EFHC2: variants seen among roughly 807,000 people sequenced by gnomAD.
EFHC2 encodes the protein EF-hand domain-containing family member C2.
In EFHC2, 18 loss-of-function variants were observed where a neutral mutation model predicts 52.7. The ratio of observed to expected loss-of-function variants is 0.34; its 90% CI spans 0.24 to 0.51. EFHC2 has a LOEUF of 0.51. Among genes scored for constraint, EFHC2 ranks in the 20% least tolerant of loss-of-function variants. The probability of loss-of-function intolerance (pLI) is 0.97; values close to 1 mark genes in which losing one functional copy is unlikely to be tolerated. For synonymous variants in EFHC2, 203 were observed against 204.1 expected (o/e 0.99, Z 0.04); for missense variants, 513 against 562.5 (o/e 0.91, Z 0.89).
At chrX:44,286,714 T>TA (rs1243405201) in intron 2 of EFHC2, among the ~76,000 whole-genome samples, 2 of 110,905 alleles carry the variant, frequency 1.8e-5, no homozygotes, top group East Asian at 2.8e-4. Flanking sequence ...GAATTCTATT[T>TA]AAAAAAATTT....
At chrX:44,313,408 A>G (rs140996445) in intron 1 of EFHC2, among the ~76,000 whole-genome samples, 382 of 111,714 alleles carry the variant, frequency 3.4e-3, no homozygotes, top group Non-Finnish European at 5.6e-3. Flanking sequence ...GTAAAGTAGG[A>G]CAATCACTCT....
chrX:44,324,345 T>A (rs1049674273), intron 1 of EFHC2, among the ~76,000 whole-genome samples: 1 of 111,262 alleles, frequency 9.0e-6, no homozygotes, highest in African/African-American at 3.3e-5. Flanking sequence ...AACTATCTTT[T>A]AAAAACCTCT....
chrX:44,162,106 G>A (rs1405086933), intron 14 of EFHC2, among the ~76,000 whole-genome samples: 2 of 111,772 alleles, frequency 1.8e-5, no homozygotes, highest in Non-Finnish European at 3.8e-5. Flanking sequence ...TTTGTTTGCT[G>A]TTATGTATGG....
At position 44,179,066 on chromosome X, in the gene EFHC2, G is replaced by GA. The variant is rs1037093009; in HGVS notation, c.1752-503dup. 1.3e-4 allele frequency among the ~76,000 whole-genome samples: 13 copies of GA among 99,271 alleles called. No homozygotes were observed. In the East Asian group the frequency reaches 1.9e-3, roughly 14 times the overall value. The allele number at this position is 99,271 out of a possible 115,157, so 86.2% of individuals were successfully genotyped here. A position where few individuals can be genotyped will look rare whatever the true frequency, so the allele number is the denominator to read the frequency against. ...AAAACTGGACACACCCTGGCAGTGA[G>GA]AAAAAAAAACAAGAGAAAAAAAAAT... is the stretch of plus-strand genomic sequence containing the variant. On this transcript the variant is annotated intron_variant, in intron 11 of 14. Transcript: ENST00000420999.
intron 3 of EFHC2, among the ~76,000 whole-genome samples, chrX:44,266,743 T>C (rs764880302): frequency 9.0e-6 from 1 of 111,323 alleles, no homozygotes; most frequent in Non-Finnish European, 1.9e-5. Flanking sequence ...ATACTTCATC[T>C]GGCAACCTTC....
chrX:44,207,119 A>C, intron 11 of EFHC2, among the ~76,000 whole-genome samples: 1 of 112,302 alleles, frequency 8.9e-6, no homozygotes, highest in East Asian at 2.8e-4. Context: ...CAATAGAGAA[A>C]GGACACCCTC....
chrX:44,319,300 G>A (rs975393430), intron 1 of EFHC2, among the ~76,000 whole-genome samples: 3 of 111,202 alleles, frequency 2.7e-5, no homozygotes, highest in African/African-American at 9.8e-5. Context: ...ACTGCGCCGG[G>A]CACAAAAGAC....
chrX:44,226,158 T>A (rs992123476), intron 11 of EFHC2, among the ~76,000 whole-genome samples: 1 of 111,642 alleles, frequency 9.0e-6, no homozygotes, highest in Non-Finnish European at 1.9e-5. Context: ...TGTGACACAC[T>A]GATGCAGGGT....
intron 1 of EFHC2, among the ~76,000 whole-genome samples, chrX:44,337,256 T>G (rs945049066): frequency 1.8e-5 from 2 of 110,965 alleles, no homozygotes; most frequent in Admixed American, 9.7e-5. Context: ...CTGTTTTGGG[T>G]TTTTTTTCCC....
intron 11 of EFHC2, among the ~76,000 whole-genome samples, chrX:44,198,657 A>T: frequency 9.0e-6 from 1 of 111,447 alleles, no homozygotes; most frequent in Admixed American, 9.6e-5. Flanking sequence ...AGAGAGGAAG[A>T]TGAACAAGCT....
At chrX:44,176,449 T>C (rs2036788260) in intron 12 of EFHC2, 65 bp from the exon 13 acceptor site, 1 of 754,840 alleles carries the variant, frequency 1.3e-6, no homozygotes, top group Non-Finnish European at 1.9e-6. Context: ...AATTACATAC[T>C]ATAGGAAAGA....
At chrX:44,222,573 T>C (rs137904844) in intron 11 of EFHC2, among the ~76,000 whole-genome samples, 376 of 111,712 alleles carry the variant, frequency 3.4e-3, no homozygotes, top group African/African-American at 0.012. Flanking sequence ...TTGCCTCTTG[T>C]TTAGCTGCTT....
At chrX:44,313,078 G>C (rs1201499188) in intron 1 of EFHC2, among the ~76,000 whole-genome samples, 2 of 94,772 alleles carry the variant, frequency 2.1e-5, no homozygotes, top group Admixed American at 2.5e-4. Flanking sequence ...CTACTTGTTT[G>C]CCAAGAATGC....
At chrX:44,233,175 G>A (rs764568955) in intron 9 of EFHC2, among the ~76,000 whole-genome samples, 2 of 111,645 alleles carry the variant, frequency 1.8e-5, no homozygotes, top group African/African-American at 3.3e-5. Context: ...TTTAGAGCAC[G>A]TTTGAACAGT....
chrX:44,309,670 C>A lies in EFHC2; in HGVS notation c.231+2898G>T, dbSNP rs193215403. On this transcript the variant is annotated intron_variant, in intron 2 of 14. Transcript: ENST00000420999. ...TTTGAACATCAAGCAAGCAAAATCA[C>A]AGTGTAAACCCTCTTCTCTGCTAAT... 232 of 1,096,626 alleles carry A rather than the reference C, an allele frequency of 2.1e-4. 1 individual carries two copies. The African/African-American group carries it at 3.8e-3, about 18-fold the overall frequency. 90.4% of individuals were successfully genotyped at this position (1,096,626 alleles called of 1,213,427 possible).
chrX:44,158,176 T>C (rs982629972), intron 14 of EFHC2, among the ~76,000 whole-genome samples: 3 of 111,622 alleles, frequency 2.7e-5, no homozygotes, highest in Non-Finnish European at 5.6e-5. Context: ...ATCCATCCTA[T>C]CCATTCACGC....
chrX:44,251,596 G>GT (rs2037447993), intron 4 of EFHC2, among the ~76,000 whole-genome samples: 1 of 8,695 alleles, frequency 1.2e-4, no homozygotes, highest in Non-Finnish European at 2.6e-4. Context: ...GCAATACTCT[G>GT]TAAAAAAAAA....
chrX:44,192,163 A>G (rs758630262), intron 11 of EFHC2, among the ~76,000 whole-genome samples: 1 of 109,508 alleles, frequency 9.1e-6, no homozygotes, highest in South Asian at 3.9e-4. Context: ...TGAGTTCTTA[A>G]TTTTGATTTT....
chrX:44,232,690 G>GA lies in EFHC2; in HGVS notation c.1424-14dup. The GA allele has an allele frequency of 2.5e-6, 3 of 1,177,001 alleles. No individual in the cohort carries two copies. Among genetic ancestry groups the GA allele is most frequent in the East Asian group, 6.2e-5 (2 of 32,496 alleles). ...CCACCAGCAATTCCTATAAAAAATAGAAAAGTTCATGAGCAGCCTTTATTC... is the reference window on the plus strand; with the variant it reads ...CCACCAGCAATTCCTATAAAAAATAGAAAAAGTTCATGAGCAGCCTTTATTC... On this transcript the variant is annotated splice_polypyrimidine_tract_variant and intron_variant, in intron 9 of 14. Transcript: ENST00000420999.
Sources: allele counts gnomAD v4.1 joint callset (sites outside exome capture counted in the v4.1 genomes callset), GRCh38; gene constraint gnomAD v4.1.1; transcripts MANE v1.5; gene names NCBI Gene and HGNC (gene_info 2026-07-23, HGNC 2026-07-21).